ACSF3: variants seen among roughly 807,000 people sequenced by gnomAD.
ACSF3 encodes malonate--CoA ligase ACSF3, mitochondrial.
Under a neutral mutation model 53.2 loss-of-function variants are expected in ACSF3, and 78 were observed. The ratio of observed to expected loss-of-function variants is 1.47; its 90% CI spans 1.22 to 1.77. The LOEUF (loss-of-function observed/expected upper bound fraction) is 1.77, where lower values mean the gene tolerates loss of function less well. ACSF3 is among the 40% of genes most tolerant of loss of function. The pLI, the probability that ACSF3 is intolerant of heterozygous loss-of-function variation, is 0.00. For missense variants in ACSF3, 937 were observed against 771.1 expected, an observed-to-expected ratio of 1.22 and a Z score of -2.55; for synonymous variants, 414 against 333.1, an observed-to-expected ratio of 1.24 and a Z score of -2.65.
intron 8 of ACSF3, among the ~76,000 whole-genome samples, chr16:89,142,698 TACAGGCACACCTGCAGAGAC>T (rs1912066429): frequency 1.5e-5 from 2 of 135,168 alleles, no homozygotes; most frequent in African/African-American, 5.8e-5. Context: ...CCTGCAGAGA[TACAGGCACACCTGCAGAGAC>T]ACAGCCACAC....
intron 6 of ACSF3, among the ~76,000 whole-genome samples, chr16:89,117,923 C>CTT (rs1905505477): frequency 1.3e-5 from 2 of 150,592 alleles, no homozygotes; most frequent in African/African-American, 2.5e-5. Context: ...GCCGGGGATG[C>CTT]TCCCTCTTCT....
At chr16:89,110,362 A>C (rs1447288763) in intron 4 of ACSF3, among the ~76,000 whole-genome samples, 1 of 152,230 alleles carries the variant, frequency 6.6e-6, no homozygotes, top group Non-Finnish European at 1.5e-5. Flanking sequence ...CACCTTCTGC[A>C]TGGAGATATT....
At chr16:89,126,093 T>A (rs1235305594) in intron 7 of ACSF3, among the ~76,000 whole-genome samples, 1 of 152,268 alleles carries the variant, frequency 6.6e-6, no homozygotes, top group Non-Finnish European at 1.5e-5. Context: ...GAACATGGTG[T>A]GTCTCTCCAT....
chr16:89,143,807 G>A (rs1240783858), intron 8 of ACSF3, among the ~76,000 whole-genome samples: 1 of 152,226 alleles, frequency 6.6e-6, no homozygotes, highest in Non-Finnish European at 1.5e-5. Flanking sequence ...TAAGCCTGGA[G>A]CCCACCTGGG....
At chr16:89,100,633 C>G in intron 2 of ACSF3, 29 bp from the exon 3 acceptor site, 2 of 1,584,072 alleles carry the variant, frequency 1.3e-6, no homozygotes, top group African/African-American at 1.3e-5. Context: ...CAGTTGGGCA[C>G]TCACGTCCTG....
chr16:89,144,955 C>G (rs1467534242), intron 8 of ACSF3, among the ~76,000 whole-genome samples: 1 of 152,242 alleles, frequency 6.6e-6, no homozygotes, highest in African/African-American at 2.4e-5. Flanking sequence ...CTGGCAGGCT[C>G]TGGACCCACT....
chr16:89,154,083 T>A lies in ACSF3; in HGVS notation c.1614-7T>A. ...CAGTGCGCCTCAGGCTGTGCTTGTC[T>A]CTGCAGAAATGTCCTGGCCCCGTAC... On this transcript the variant is annotated splice_polypyrimidine_tract_variant and splice_region_variant and intron_variant, in intron 10 of 10. Transcript: ENST00000614302. The A allele has an allele frequency of 6.2e-7, 1 of 1,612,212 alleles. No individual in the cohort carries two copies. The highest frequency in any genetic ancestry group is 8.5e-7 in the Non-Finnish European group (1 of 1,179,368).
intron 6 of ACSF3, among the ~76,000 whole-genome samples, chr16:89,118,087 C>T (rs1247200828): frequency 6.7e-6 from 1 of 149,476 alleles, no homozygotes; most frequent in Non-Finnish European, 1.5e-5. Context: ...CGGGGACGCT[C>T]TCTCTTCTCT....
rs548830240 is a variant in ACSF3, at chr16:89,136,105, C to T, written c.1366+2843C>T. On this transcript the variant is annotated intron_variant, in intron 8 of 10. Coordinates refer to ENST00000614302, the MANE Select transcript of ACSF3 (RefSeq NM_001243279.3). ...TTGTATTTTTAAATTCAGGTAAAAG[C>T]TGAAGACGTTTTCTTCTTTGAAAGC... Among the ~76,000 whole-genome samples the T allele has an allele frequency of 4.6e-5, 7 of 152,354 alleles. No homozygotes were observed. In the South Asian group the frequency reaches 1.2e-3, roughly 27 times the overall value.
chr16:89,137,615 G>A lies in ACSF3; in HGVS notation c.1366+4353G>A, dbSNP rs1028044976. Among the ~76,000 whole-genome samples the A allele has an allele frequency of 4.7e-5, 7 of 147,776 alleles. No individual in the cohort carries two copies. The South Asian group carries it at 1.5e-3, about 32-fold the overall frequency. On this transcript the variant is annotated intron_variant, in intron 8 of 10. Coordinates refer to ENST00000614302, the MANE Select transcript of ACSF3 (RefSeq NM_001243279.3). ...GAAGGATTGAGGGGAAGAGCCCCAG[G>A]TCCCGGGAGGACCACCAGGAGCTCA...
intron 8 of ACSF3, among the ~76,000 whole-genome samples, chr16:89,142,708 C>T (rs747913420): frequency 4.0e-5 from 6 of 151,466 alleles, no homozygotes; most frequent in Admixed American, 2.0e-4. Context: ...TACAGGCACA[C>T]CTGCAGAGAC....
At chr16:89,129,007 C>T (rs557909406) in intron 7 of ACSF3, among the ~76,000 whole-genome samples, 23 of 152,108 alleles carry the variant, frequency 1.5e-4, no homozygotes, top group African/African-American at 5.3e-4. Flanking sequence ...TGTTACATGC[C>T]TTTGGTCCCA....
chr16:89,114,327 T>C lies in ACSF3; in HGVS notation c.978-12T>C. On this transcript the variant is annotated splice_polypyrimidine_tract_variant and intron_variant, in intron 5 of 10. Coordinates refer to ENST00000614302, the MANE Select transcript of ACSF3 (RefSeq NM_001243279.3). ...CCAAGGGGCTAAACCTGCCTTTGGT[T>C]GTGCCGCGTAGGCTGATGGTCTCAG... 1 of 1,613,878 alleles carries C rather than the reference T, an allele frequency of 6.2e-7. No individual in the cohort carries two copies. Among genetic ancestry groups the C allele is most frequent in the Non-Finnish European group, 8.5e-7 (1 of 1,180,004 alleles).
At chr16:89,131,207 C>T (rs1294715944) in intron 7 of ACSF3, among the ~76,000 whole-genome samples, 3 of 126,084 alleles carry the variant, frequency 2.4e-5, no homozygotes, top group South Asian at 2.7e-4. Context: ...AGTCTTGGTT[C>T]ACTGCAATCT....
At chr16:89,128,272 T>G (rs1005824177) in intron 7 of ACSF3, among the ~76,000 whole-genome samples, 2 of 151,184 alleles carry the variant, frequency 1.3e-5, no homozygotes, top group Non-Finnish European at 2.9e-5. Flanking sequence ...TTCTTTTTTT[T>G]TTTTTGAGAC....
At chr16:89,109,415 T>C (rs1420075349) in intron 4 of ACSF3, among the ~76,000 whole-genome samples, 1 of 121,268 alleles carries the variant, frequency 8.2e-6, no homozygotes, top group East Asian at 2.3e-4. Context: ...TTTTTTTTTT[T>C]TTTTTTTTTT....
At chr16:89,127,977 T>C (rs1351771904) in intron 7 of ACSF3, among the ~76,000 whole-genome samples, 1 of 152,132 alleles carries the variant, frequency 6.6e-6, no homozygotes, top group African/African-American at 2.4e-5. Context: ...TTTGTTATCC[T>C]TGCTAGAAGT....
At position 89,101,213 on chromosome 16, in the gene ACSF3, G is replaced by C. The variant is rs758434859; in HGVS notation, c.532G>C (p.Ala178Pro). 1 of 1,605,296 alleles carries C rather than the reference G, an allele frequency of 6.2e-7. No homozygotes were observed. Among genetic ancestry groups the C allele is most frequent in the Non-Finnish European group, 8.5e-7 (1 of 1,176,182 alleles). The stretch of plus-strand genomic sequence containing the variant: ...GCTCACACCAGCCATCTACACTGGA[G>C]CAGTAGAGGAACCGGCAGAGGTCCC... Reference protein sequence around the residue: ...LPLTPAIYTGAVEEPAEVPVP... With the variant: ...LPLTPAIYTGPVEEPAEVPVP... Residue 178 changes from alanine (A) to proline (P), a missense_variant, in exon 3 of 11, where the codon GCA becomes CCA. Ala to Pro is a conservative substitution (Grantham distance 27, BLOSUM62 -1). Coordinates refer to ENST00000614302, the MANE Select transcript of ACSF3 (RefSeq NM_001243279.3).
intron 9 of ACSF3, 73 bp downstream of exon 9, chr16:89,145,474 C>T: frequency 6.3e-7 from 1 of 1,578,892 alleles, no homozygotes; most frequent in South Asian, 1.1e-5. Flanking sequence ...TTTTAGACGA[C>T]TGCAGATGAG....
Sources: allele counts gnomAD v4.1 joint callset (sites outside exome capture counted in the v4.1 genomes callset), GRCh38; gene constraint gnomAD v4.1.1; transcripts MANE v1.5; gene names NCBI Gene and HGNC (gene_info 2026-07-23, HGNC 2026-07-21).